The following STAG1 variants were observed in gnomAD, a reference collection of about 807,000 sequenced individuals.
The protein encoded by STAG1 is STAG1 cohesin complex component.
In STAG1, 26 loss-of-function variants were observed where a neutral mutation model predicts 170.9. The observed-to-expected ratio is 0.15, with a 90% CI of 0.11 to 0.21. The LOEUF is 0.21. Among genes scored for constraint, STAG1 ranks in the 10% least tolerant of loss-of-function variants. The probability of loss-of-function intolerance (pLI) is 1.00; values close to 1 mark genes in which losing one functional copy is unlikely to be tolerated. For missense variants in STAG1, 964 were observed against 1,509.5 expected, an observed-to-expected ratio of 0.64 and a Z score of 5.99; for synonymous variants, 514 against 497.7, an observed-to-expected ratio of 1.03 and a Z score of -0.44.
intron 4 of STAG1, among the ~76,000 whole-genome samples, chr3:136,595,101 T>C (rs749763957): frequency 1.3e-5 from 2 of 152,136 alleles, no homozygotes; most frequent in African/African-American, 4.8e-5. Flanking sequence ...GATATCTAGG[T>C]GTACAAAATG....
At chr3:136,451,168 T>C (rs986726653) in intron 14 of STAG1, among the ~76,000 whole-genome samples, 2 of 141,342 alleles carry the variant, frequency 1.4e-5, no homozygotes, top group African/African-American at 2.5e-5. Context: ...TTACAATATA[T>C]TAAAAAAAAA....
rs2086953093 is a variant in STAG1, at chr3:136,389,492, A to G, written c.2277+9257T>C. Among the ~76,000 whole-genome samples the G allele has an allele frequency of 2.6e-5, 4 of 151,684 alleles. No homozygotes were observed. The South Asian group carries it at 8.3e-4, about 32-fold the overall frequency. ...GTATTTTTAGTAGAGACGGGGTTTCACCATATTGGTCAGGCTGGATTTATT... is the reference window on the plus strand; with the variant it reads ...GTATTTTTAGTAGAGACGGGGTTTCGCCATATTGGTCAGGCTGGATTTATT... On this transcript the variant is annotated intron_variant, in intron 22 of 33. Transcript: ENST00000383202.
intron 9 of STAG1, among the ~76,000 whole-genome samples, chr3:136,491,109 A>G (rs912109071): frequency 6.6e-6 from 1 of 151,850 alleles, no homozygotes; most frequent in Admixed American, 6.6e-5. Context: ...TCTCTAATAC[A>G]TTTCTTTCTA....
chr3:136,634,326 C>T (rs370081610), intron 1 of STAG1, among the ~76,000 whole-genome samples: 6 of 151,702 alleles, frequency 4.0e-5, no homozygotes, highest in African/African-American at 1.2e-4. Flanking sequence ...CACTACACTC[C>T]AGCCTGGGGT....
chr3:136,453,459 C>T (rs1313645046), intron 13 of STAG1, among the ~76,000 whole-genome samples: 1 of 151,784 alleles, frequency 6.6e-6, no homozygotes, highest in Non-Finnish European at 1.5e-5. Flanking sequence ...GGCGTGGTGG[C>T]GGGCGCCTGT....
chr3:136,661,508 T>C (rs1211636484), intron 1 of STAG1, among the ~76,000 whole-genome samples: 1 of 152,216 alleles, frequency 6.6e-6, no homozygotes, highest in Non-Finnish European at 1.5e-5. Context: ...CTTCAGGCTA[T>C]GTGTATAAAA....
intron 6 of STAG1, among the ~76,000 whole-genome samples, chr3:136,525,752 T>C (rs1934981870): frequency 6.6e-6 from 1 of 152,248 alleles, no homozygotes; most frequent in Non-Finnish European, 1.5e-5. Flanking sequence ...AATTTCCCTC[T>C]ACACACTGCT....
At chr3:136,540,637 C>T (rs977861950) in intron 6 of STAG1, among the ~76,000 whole-genome samples, 1 of 151,596 alleles carries the variant, frequency 6.6e-6, no homozygotes, top group East Asian at 1.9e-4. Flanking sequence ...GCCTGGACAA[C>T]ATGGAGAAAT....
intron 21 of STAG1, among the ~76,000 whole-genome samples, chr3:136,415,820 TCAAA>T (rs1473654420): frequency 2.0e-5 from 3 of 152,136 alleles, no homozygotes; most frequent in African/African-American, 4.8e-5. Flanking sequence ...AGACTCGGTC[TCAAA>T]CAAACAAACA....
rs192269510 is a variant in STAG1, at chr3:136,579,647, C to T, written c.298-10786G>A. 2.0e-5 allele frequency among the ~76,000 whole-genome samples: 3 copies of T among 152,314 alleles called. No homozygotes were observed. In the East Asian group the frequency reaches 5.8e-4, roughly 29 times the overall value. On this transcript the variant is annotated intron_variant, in intron 4 of 33. Transcript: ENST00000383202. Reference sequence around the variant, plus strand: ...ATTTTATTCCACAAAACATCACATTCTGGTAACATGTTCCAGACCACTGAC... The same window carrying T: ...ATTTTATTCCACAAAACATCACATTTTGGTAACATGTTCCAGACCACTGAC...
chr3:136,534,418 TTAAAC>T (rs571233423), intron 6 of STAG1, among the ~76,000 whole-genome samples: 3 of 151,188 alleles, frequency 2.0e-5, no homozygotes, highest in East Asian at 1.9e-4. Flanking sequence ...ACAAGATACA[TTAAAC>T]TAAAAATAAA....
chr3:136,452,887 T>C (rs1036170579), intron 13 of STAG1, among the ~76,000 whole-genome samples: 1 of 152,100 alleles, frequency 6.6e-6, no homozygotes, highest in South Asian at 2.1e-4. Flanking sequence ...CCTCTCGGGT[T>C]CAAGCAATTC....
At chr3:136,721,358 C>T (rs1014486907) in intron 1 of STAG1, 6 of 152,066 alleles carry the variant, frequency 3.9e-5, no homozygotes, top group South Asian at 4.1e-4. Flanking sequence ...TATATGTAAA[C>T]GAAAATAATG....
rs2088371485 is a variant in STAG1, at chr3:136,433,577, C to T, written c.1629G>A (p.Val543=). The T allele has an allele frequency of 1.9e-6, 3 of 1,599,918 alleles. No individual in the cohort carries two copies. Among genetic ancestry groups the T allele is most frequent in the African/African-American group, 2.7e-5 (2 of 73,626 alleles). ...IRQAAEAHPP[V]GRGTGKRVLT... is the part of the protein sequence containing the mutation. ...TTACTCTCTTGCCGGTACCCCTTCC[C>T]ACTGGAGGATGTGCCTCAGCAGCTT... is the stretch of plus-strand genomic sequence containing the variant. Residue 543 remains valine (V), a synonymous_variant, in exon 16 of 34, where the codon GTG becomes GTA. Coordinates refer to ENST00000383202, the MANE Select transcript of STAG1 (RefSeq NM_005862.3).
chr3:136,731,287 C>A (rs1934025490), intron 1 of STAG1, among the ~76,000 whole-genome samples: 1 of 151,344 alleles, frequency 6.6e-6, no homozygotes, highest in Non-Finnish European at 1.5e-5. Context: ...TACAGTAATG[C>A]AAAGGGTGGA....
intron 9 of STAG1, among the ~76,000 whole-genome samples, chr3:136,486,057 A>G (rs774077318): frequency 2.0e-5 from 3 of 152,196 alleles, no homozygotes; most frequent in African/African-American, 7.2e-5. Flanking sequence ...CCATTAGCAC[A>G]TTATAAAATT....
chr3:136,562,163 CA>C (rs1325991578), intron 5 of STAG1, among the ~76,000 whole-genome samples: 1 of 152,166 alleles, frequency 6.6e-6, no homozygotes, highest in Non-Finnish European at 1.5e-5. Flanking sequence ...TCACGTGTCT[CA>C]ATAACGTCCT....
intron 1 of STAG1, among the ~76,000 whole-genome samples, chr3:136,716,179 G>A (rs930837154): frequency 5.6e-5 from 8 of 143,310 alleles, no homozygotes; most frequent in African/African-American, 1.0e-4. Flanking sequence ...AAGTCATGGC[G>A]GGCACAGTGG....
intron 17 of STAG1, 44 bp from the exon 18 acceptor site, chr3:136,422,901 T>C: frequency 1.3e-6 from 2 of 1,590,386 alleles, no homozygotes; most frequent in Non-Finnish European, 1.7e-6. Flanking sequence ...ACTTTAATAG[T>C]ACAATGAAAG....
Sources: allele counts gnomAD v4.1 joint callset (sites outside exome capture counted in the v4.1 genomes callset), GRCh38; gene constraint gnomAD v4.1.1; transcripts MANE v1.5; gene names NCBI Gene and HGNC (gene_info 2026-07-23, HGNC 2026-07-21).